Variants in ZFP69B observed in about 807,000 individuals in gnomAD.
ZFP69B encodes ZFP69 zinc finger protein B.
A neutral mutation model predicts 19.7 loss-of-function variants in ZFP69B; 20 were observed. That is an observed-to-expected ratio of 1.02 (90% CI 0.71 to 1.48). The LOEUF (loss-of-function observed/expected upper bound fraction) is 1.48. ZFP69B is among the 40% of genes most tolerant of loss of function. The pLI is 0.00. For missense variants in ZFP69B, 583 were observed against 632.6 expected (o/e 0.92, Z 0.84); for synonymous variants, 220 against 222.7 (o/e 0.99, Z 0.11).
chr1:40,458,840 G>A (rs1569981659), intron 4 of ZFP69B, among the ~76,000 whole-genome samples: 1 of 152,130 alleles, frequency 6.6e-6, no homozygotes, highest in African/African-American at 2.4e-5. Flanking sequence ...TGTTTAGGTC[G>A]CTGGACAGTT....
chr1:40,461,284 T>G (rs935359432), intron 4 of ZFP69B, among the ~76,000 whole-genome samples: 5 of 152,170 alleles, frequency 3.3e-5, no homozygotes. Flanking sequence ...GTGGGAAATG[T>G]ATGAATGGAG....
At chr1:40,457,851 A>G (rs3013472) in intron 4 of ZFP69B, among the ~76,000 whole-genome samples, 5,693 of 152,220 alleles carry the variant, frequency 0.037, 333 homozygotes, top group African/African-American at 0.13. Context: ...TTCATTTTCA[A>G]TATTTTTCTA....
chr1:40,460,889 G>T (rs1645277110), intron 4 of ZFP69B, among the ~76,000 whole-genome samples: 1 of 151,176 alleles, frequency 6.6e-6, no homozygotes, highest in Non-Finnish European at 1.5e-5. Context: ...GCTGAGGCAG[G>T]AGAATCATGT....
At chr1:40,459,860 A>T (rs1377521634) in intron 4 of ZFP69B, among the ~76,000 whole-genome samples, 4 of 152,084 alleles carry the variant, frequency 2.6e-5, no homozygotes, top group African/African-American at 9.7e-5. Flanking sequence ...AAGGAATAAG[A>T]TTTTTTTGTG....
chr1:40,455,688 A>G (rs1420057212), intron 2 of ZFP69B, among the ~76,000 whole-genome samples: 4 of 152,060 alleles, frequency 2.6e-5, no homozygotes, highest in Non-Finnish European at 5.9e-5. Flanking sequence ...TACATGTGCC[A>G]TGGTGGTTTG....
At position 40,450,789 on chromosome 1, in the gene ZFP69B, T is replaced by C; in HGVS notation, c.-173T>C. 1.7e-6 allele frequency: 1 copy of C among 603,642 alleles called. No homozygotes were observed. Among genetic ancestry groups the C allele is most frequent in the Non-Finnish European group, 2.4e-6 (1 of 410,158 alleles). 37.4% of individuals were successfully genotyped at this position (603,642 alleles called of 1,614,324 possible). ...AAGTCCAGATCTCGGATTTTGATAC[T>C]GTATGTTCCCTGGGTTCCTGAGAGA... On this transcript the variant is annotated 5_prime_UTR_variant, in exon 1 of 5. Coordinates refer to ENST00000361584, the MANE Select transcript of ZFP69B (RefSeq NM_023070.3).
rs545361180 is a variant in ZFP69B at position 40,457,099 on chromosome 1, A to G, written c.340+28A>G. The G allele has an allele frequency of 3.8e-6, 6 of 1,584,250 alleles. 1 individual carries two copies. In the South Asian group the frequency reaches 5.8e-5, roughly 15 times the overall value. On this transcript the variant is annotated intron_variant, in intron 3 of 4. Transcript: ENST00000361584. ...AAGGATGGGCTCCTCTTGAAAATAG[A>G]ACGTACCTATTGGATGAAAACCTTT...
Sources: allele counts gnomAD v4.1 joint callset (sites outside exome capture counted in the v4.1 genomes callset), GRCh38; gene constraint gnomAD v4.1.1; transcripts MANE v1.5; gene names NCBI Gene and HGNC (gene_info 2026-07-23, HGNC 2026-07-21).